LEF1: variants seen among roughly 807,000 people sequenced by gnomAD.
The protein encoded by LEF1 is lymphoid enhancer binding factor 1.
LEF1 carries 14 observed loss-of-function variants against 51.2 expected under a neutral mutation model. The observed-to-expected ratio is 0.27, with a 90% CI of 0.18 to 0.43. LEF1 has a LOEUF of 0.43. Ranked by LOEUF, LEF1 falls within the 20% of genes least tolerant of loss-of-function variation. The pLI, the probability that LEF1 is intolerant of heterozygous loss-of-function variation, is 1.00. For synonymous variants in LEF1, 185 were observed against 183.2 expected, an observed-to-expected ratio of 1.01 and a Z score of -0.08; for missense variants, 386 against 512.0, an observed-to-expected ratio of 0.75 and a Z score of 2.37.
chr4:108,122,043 A>G (rs971480423), intron 3 of LEF1, among the ~76,000 whole-genome samples: 2 of 152,196 alleles, frequency 1.3e-5, no homozygotes, highest in African/African-American at 4.8e-5. Context: ...CACACTATTC[A>G]TGGCCCAATA....
chr4:108,149,376 G>A (rs577890669), intron 3 of LEF1, among the ~76,000 whole-genome samples: 33 of 146,434 alleles, frequency 2.3e-4, no homozygotes, highest in Non-Finnish European at 4.3e-4. Flanking sequence ...GGAGAATGGC[G>A]TGAACCCGGG....
intron 3 of LEF1, among the ~76,000 whole-genome samples, chr4:108,100,938 A>C (rs1273297073): frequency 1.3e-5 from 2 of 152,224 alleles, no homozygotes; most frequent in African/African-American, 4.8e-5. Context: ...AATTTCAAAG[A>C]TTATCATTTA....
intron 3 of LEF1, among the ~76,000 whole-genome samples, chr4:108,096,344 G>T (rs980003936): frequency 6.6e-6 from 1 of 152,126 alleles, no homozygotes; most frequent in Non-Finnish European, 1.5e-5. Flanking sequence ...GATTCTATGG[G>T]GTATGGAAAA....
chr4:108,133,422 G>A (rs553956649), intron 3 of LEF1, among the ~76,000 whole-genome samples: 126 of 152,302 alleles, frequency 8.3e-4, no homozygotes, highest in Non-Finnish European at 1.3e-3. Flanking sequence ...TTAGGTGCCT[G>A]TACTCTCCAG....
intron 3 of LEF1, among the ~76,000 whole-genome samples, chr4:108,126,331 A>T (rs1463591827): frequency 6.6e-6 from 1 of 152,160 alleles, no homozygotes; most frequent in Non-Finnish European, 1.5e-5. Flanking sequence ...TGATTACAGA[A>T]TTTGATCTTC....
intron 3 of LEF1, among the ~76,000 whole-genome samples, chr4:108,123,254 C>A (rs1218158428): frequency 6.6e-6 from 1 of 152,112 alleles, no homozygotes; most frequent in African/African-American, 2.4e-5. Flanking sequence ...AGACTGCAAA[C>A]CTGCATGAAA....
chr4:108,113,943 C>G (rs1248064172), intron 3 of LEF1, among the ~76,000 whole-genome samples: 1 of 152,036 alleles, frequency 6.6e-6, no homozygotes, highest in East Asian at 1.9e-4. Flanking sequence ...TAAAAAACCA[C>G]TATATGAAGA....
At chr4:108,069,849 T>A (rs1738336600) in intron 9 of LEF1, among the ~76,000 whole-genome samples, 1 of 151,882 alleles carries the variant, frequency 6.6e-6, no homozygotes, top group African/African-American at 2.4e-5. Context: ...TCCCAACTGC[T>A]TGAGAGGCTG....
intron 3 of LEF1, among the ~76,000 whole-genome samples, chr4:108,098,223 T>C (rs919633439): frequency 3.3e-5 from 5 of 152,232 alleles, no homozygotes; most frequent in Admixed American, 2.6e-4. Flanking sequence ...CTCTCTATTA[T>C]GCAGTTTAGA....
chr4:108,104,915 A>C (rs1403906351), intron 3 of LEF1, among the ~76,000 whole-genome samples: 3 of 152,100 alleles, frequency 2.0e-5, no homozygotes, highest in African/African-American at 7.2e-5. Context: ...GGAATGTGCA[A>C]GCCTCCTGGG....
At position 108,149,458 on chromosome 4, in the gene LEF1, CAAAA is replaced by C. The variant is rs371482539; in HGVS notation, c.414+14106_414+14109del. Reference sequence around the variant, plus strand: ...TGGGCGACAGAGCGAGACTCCGTCTCAAAAAAAAAAAAAAAAAATAGATTATAAA... The same window carrying C: ...TGGGCGACAGAGCGAGACTCCGTCTCAAAAAAAAAAAAAATAGATTATAAA... On this transcript the variant is annotated intron_variant, in intron 3 of 11. Coordinates refer to ENST00000265165, the MANE Select transcript of LEF1 (RefSeq NM_016269.5). 3.0e-3 allele frequency among the ~76,000 whole-genome samples: 179 copies of C among 60,596 alleles called. 7 individuals carry two copies. The highest frequency in any genetic ancestry group is 0.012 in the African/African-American group (167 of 13,800). 39.8% of individuals were successfully genotyped at this position (60,596 alleles called of 152,430 possible). A position where few individuals can be genotyped will look rare whatever the true frequency, so the allele number is the denominator to read the frequency against.
At chr4:108,069,944 T>G (rs1738345412) in intron 9 of LEF1, among the ~76,000 whole-genome samples, 1 of 106,034 alleles carries the variant, frequency 9.4e-6, no homozygotes. Context: ...GGCGACAGAG[T>G]GAGATTCTGT....
intron 3 of LEF1, among the ~76,000 whole-genome samples, chr4:108,097,769 G>A (rs1243726715): frequency 1.3e-5 from 2 of 152,052 alleles, no homozygotes; most frequent in African/African-American, 4.8e-5. Flanking sequence ...GCCTTATTCT[G>A]AGAGAAGTAT....
At chr4:108,082,931 T>G (rs1231130424) in intron 5 of LEF1, among the ~76,000 whole-genome samples, 1 of 152,242 alleles carries the variant, frequency 6.6e-6, no homozygotes, top group African/African-American at 2.4e-5. Flanking sequence ...TCTCTCTAGT[T>G]ATTTTTGTCA....
At chr4:108,116,300 T>C (rs1741839063) in intron 3 of LEF1, among the ~76,000 whole-genome samples, 1 of 152,146 alleles carries the variant, frequency 6.6e-6, no homozygotes, top group Non-Finnish European at 1.5e-5. Context: ...GTGAGAGGAC[T>C]GCTTGAACCC....
chr4:108,060,117 C>T (rs1311299646), intron 11 of LEF1, among the ~76,000 whole-genome samples: 2 of 152,080 alleles, frequency 1.3e-5, no homozygotes, highest in Non-Finnish European at 2.9e-5. Context: ...AGAGGCAATG[C>T]TTCGAATATC....
chr4:108,109,645 G>A lies in LEF1; in HGVS notation c.415-20388C>T, dbSNP rs568080507. On this transcript the variant is annotated intron_variant, in intron 3 of 11. Transcript: ENST00000265165. ...ACAAAACATGTGAAGTGCTTAGAAT[G>A]GTGACCAATAGGCACTAGATATTAC... 1.2e-4 allele frequency among the ~76,000 whole-genome samples: 19 copies of A among 152,308 alleles called. No homozygotes were observed. The South Asian group carries it at 3.7e-3, about 30-fold the overall frequency.
chr4:108,095,599 T>C (rs2110281660), intron 3 of LEF1, among the ~76,000 whole-genome samples: 1 of 152,274 alleles, frequency 6.6e-6, no homozygotes, highest in African/African-American at 2.4e-5. Context: ...AGTGGACCAC[T>C]TGGAGAAAAC....
chr4:108,135,272 A>G (rs1344885398), intron 3 of LEF1, among the ~76,000 whole-genome samples: 1 of 152,214 alleles, frequency 6.6e-6, no homozygotes, highest in Non-Finnish European at 1.5e-5. Flanking sequence ...GCTCAATCTG[A>G]AGCACTGAGT....
Sources: allele counts gnomAD v4.1 joint callset (sites outside exome capture counted in the v4.1 genomes callset), GRCh38; gene constraint gnomAD v4.1.1; transcripts MANE v1.5; gene names NCBI Gene and HGNC (gene_info 2026-07-23, HGNC 2026-07-21).